Variants in MED6 observed in about 807,000 individuals in gnomAD.
MED6 encodes the protein mediator complex subunit 6.
A neutral mutation model predicts 37.5 loss-of-function variants in MED6; 33 were observed. That is an observed-to-expected ratio of 0.88 (90% confidence interval 0.67 to 1.18). MED6 has a LOEUF of 1.18. Among genes scored for constraint, MED6 ranks in the 50% most tolerant of loss-of-function variants. The pLI is 0.00. For synonymous variants in MED6, 94 were observed against 93.6 expected (o/e 1.00, Z -0.02); for missense variants, 235 against 290.6 (o/e 0.81, Z 1.39).
At chr14:70,595,718 C>T (rs1962312) in intron 3 of MED6, 169,130 of 740,838 alleles carry the variant, frequency 0.23, 27,158 homozygotes, top group African/African-American at 0.6. Context: ...ATCTTGGTGA[C>T]GCCCTGGACA....
rs1224026313 is a variant in MED6, at chr14:70,600,621, A to G, written c.17T>C (p.Ile6Thr). 4 of 1,613,000 alleles carry G rather than the reference A, an allele frequency of 2.5e-6. No individual in the cohort carries two copies. The highest frequency in any genetic ancestry group is 1.3e-5 in the African/African-American group (1 of 74,488). Residue 6 changes from isoleucine to threonine, a missense_variant, in exon 1 of 8, where the codon ATC becomes ACC. Physicochemically the swap from Ile to Thr is moderately conservative, Grantham distance 89. Transcript: ENST00000256379. Reference protein sequence around the residue: MAAVDIRDNLLGISWV... With the variant: MAAVDTRDNLLGISWV... ...AATATAGCAATACAGTATACCTCGG[A>G]TATCCACCGCCGCCATAATTCCGAG...
At chr14:70,586,857 A>T (rs949211342) in intron 6 of MED6, among the ~76,000 whole-genome samples, 1 of 152,210 alleles carries the variant, frequency 6.6e-6, no homozygotes, top group African/African-American at 2.4e-5. Context: ...TTACCACAGA[A>T]GGCCTGAGGC....
chr14:70,584,894 A>G lies in MED6; in HGVS notation c.660T>C (p.Pro220=). The change falls in exon 8 of 8, where the codon CCT becomes CCC. Residue 220 remains proline (P), a synonymous_variant. Coordinates refer to ENST00000256379, the MANE Select transcript of MED6 (RefSeq NM_005466.4). ...EAEPIPETVK[P]EEKETTKNVQ... is the part of the protein sequence containing the mutation. ...CATTCTTTGTGGTCTCCTTCTCCTC[A>G]GGTTTTACAGTTTCTGGTATAGGTT... The G allele has an allele frequency of 1.2e-6, 2 of 1,613,906 alleles. No individual in the cohort carries two copies. The highest frequency in any genetic ancestry group is 1.7e-6 in the Non-Finnish European group (2 of 1,179,942).
chr14:70,594,654 T>C (rs1884987190), intron 3 of MED6: 1 of 445,812 alleles, frequency 2.2e-6, no homozygotes, highest in Admixed American at 2.7e-5. Flanking sequence ...GGCCAGCGTC[T>C]ATACAGGCAC....
At chr14:70,600,192 C>A (rs1039939824) in intron 1 of MED6, among the ~76,000 whole-genome samples, 1 of 152,110 alleles carries the variant, frequency 6.6e-6, no homozygotes. Flanking sequence ...GCTCAGGGAC[C>A]CGTGTGGCGC....
Position 70,585,738 on chromosome 14 carries a change from A to G in MED6, c.610+18T>C. 6.3e-7 allele frequency: 1 copy of G among 1,584,264 alleles called. No individual in the cohort carries two copies. Among genetic ancestry groups the G allele is most frequent in the Non-Finnish European group, 8.6e-7 (1 of 1,166,472 alleles). On this transcript the variant is annotated intron_variant, in intron 7 of 7. Transcript: ENST00000256379. ...TGACCTTATTTCAAGCGTAATAAGA[A>G]TATTACATGAACCATACCTGGAACA...
intron 1 of MED6, among the ~76,000 whole-genome samples, chr14:70,599,749 G>C (rs1346398015): frequency 6.6e-6 from 1 of 152,016 alleles, no homozygotes; most frequent in Non-Finnish European, 1.5e-5. Context: ...TTATTCTGTA[G>C]CAAGGCAACA....
At chr14:70,592,432 G>A (rs982741509) in intron 5 of MED6, 2 of 150,056 alleles carry the variant, frequency 1.3e-5, no homozygotes, top group African/African-American at 5.0e-5. Context: ...AGGTAAGTAA[G>A]GAATATCATC....
intron 3 of MED6, among the ~76,000 whole-genome samples, chr14:70,594,029 ACT>A (rs1374352185): frequency 6.6e-6 from 1 of 152,044 alleles, no homozygotes; most frequent in African/African-American, 2.4e-5. Context: ...CTGGGCAGGG[ACT>A]CTAGATCTTT....
intron 4 of MED6, 41 bp from the exon 5 acceptor site, chr14:70,593,029 G>T: frequency 1.2e-6 from 2 of 1,609,086 alleles, no homozygotes; most frequent in South Asian, 2.2e-5. Flanking sequence ...TCATTAGGTC[G>T]ACCAAACTTT....
At chr14:70,591,769 T>C (rs1884877761) in intron 5 of MED6, 1 of 155,124 alleles carries the variant, frequency 6.4e-6, no homozygotes, top group African/African-American at 2.4e-5. Flanking sequence ...CAAAACCTAC[T>C]AGCAACAAAT....
At chr14:70,591,667 A>C (rs1050129499) in intron 5 of MED6, 1 of 225,052 alleles carries the variant, frequency 4.4e-6, no homozygotes, top group African/African-American at 2.3e-5. Flanking sequence ...TTTTAAAGCT[A>C]AAGTTTTTCA....
Position 70,594,448 on chromosome 14 carries a change from A to C in MED6, c.275-1070T>G. On this transcript the variant is annotated intron_variant, in intron 3 of 7. Transcript: ENST00000256379. ...TTTGATATGACCAGATCTACCATGC[A>C]TTTTGTAAAAGAATTAACTCAGTGG... 3 of 269,994 alleles carry C rather than the reference A, an allele frequency of 1.1e-5. No individual in the cohort carries two copies. In the South Asian group the frequency reaches 1.3e-4, roughly 12 times the overall value. 16.7% of individuals were successfully genotyped at this position (269,994 alleles called of 1,614,324 possible). A position where few individuals can be genotyped will look rare whatever the true frequency, so the allele number is the denominator to read the frequency against.
At chr14:70,595,843 G>A (rs1262706341) in intron 3 of MED6, 2 of 673,018 alleles carry the variant, frequency 3.0e-6, no homozygotes, top group Non-Finnish European at 5.4e-6. Context: ...GCAGAAGCAG[G>A]GTACCCTTTG....
intron 3 of MED6, chr14:70,594,553 T>C: frequency 5.0e-6 from 2 of 398,652 alleles, no homozygotes; most frequent in Admixed American, 5.8e-5. Context: ...CCAGACAGCA[T>C]GAGTTTCACC....
chr14:70,599,878 A>G (rs1374551514), intron 1 of MED6, among the ~76,000 whole-genome samples: 1 of 152,202 alleles, frequency 6.6e-6, no homozygotes, highest in Non-Finnish European at 1.5e-5. Flanking sequence ...CCAGATAAGT[A>G]TAAATGAGAA....
intron 1 of MED6, among the ~76,000 whole-genome samples, chr14:70,598,649 G>C (rs1595055600): frequency 6.6e-6 from 1 of 151,942 alleles, no homozygotes; most frequent in South Asian, 2.1e-4. Flanking sequence ...TATATACAGA[G>C]GTGTAAAAAT....
chr14:70,592,300 C>A (rs1317950687), intron 5 of MED6, among the ~76,000 whole-genome samples: 1 of 151,996 alleles, frequency 6.6e-6, no homozygotes, highest in Non-Finnish European at 1.5e-5. Flanking sequence ...TGATGAGATG[C>A]AAAGATCAGA....
At chr14:70,593,433 A>G in intron 3 of MED6, 55 bp from the exon 4 acceptor site, 2 of 1,273,742 alleles carry the variant, frequency 1.6e-6, no homozygotes, top group Non-Finnish European at 2.3e-6. Context: ...AAACTGCTAA[A>G]CAGATTCTCA....
Sources: gnomAD v4.1 joint callset for allele counts (sites outside exome capture counted in the v4.1 genomes callset) on GRCh38, gnomAD v4.1.1 for gene constraint, MANE v1.5 for transcripts, NCBI Gene and HGNC (gene_info 2026-07-23, HGNC 2026-07-21) for gene names.